The following DIAPH3 variants were observed in gnomAD, a reference collection of about 807,000 sequenced individuals.
The protein encoded by DIAPH3 is diaphanous related formin 3.
A neutral mutation model predicts 144.3 loss-of-function variants in DIAPH3; 117 were observed. The ratio of observed to expected loss-of-function variants is 0.81; its 90% CI spans 0.70 to 0.95. The LOEUF is 0.95. Among genes scored for constraint, DIAPH3 ranks in the 40% least tolerant of loss-of-function variants. The pLI is 0.00. For missense variants in DIAPH3, 1,421 were observed against 1,412.7 expected (o/e 1.01, Z -0.09); for synonymous variants, 519 against 488.9 (o/e 1.06, Z -0.81).
At chr13:60,035,712 GAAGA>G (rs2055165335) in intron 5 of DIAPH3, among the ~76,000 whole-genome samples, 1 of 152,112 alleles carries the variant, frequency 6.6e-6, no homozygotes, top group African/African-American at 2.4e-5. Context: ...AGGCATATTT[GAAGA>G]TAGATGGCAG....
At chr13:59,667,848 C>T (rs1203224686) in intron 27 of DIAPH3, among the ~76,000 whole-genome samples, 1 of 152,154 alleles carries the variant, frequency 6.6e-6, no homozygotes, top group Non-Finnish European at 1.5e-5. Context: ...ATAGTAATGA[C>T]TTTGGAGCAC....
At chr13:59,840,817 GT>G (rs35513878) in intron 22 of DIAPH3, among the ~76,000 whole-genome samples, 4 of 149,048 alleles carry the variant, frequency 2.7e-5, no homozygotes, top group South Asian at 2.1e-4. Flanking sequence ...TTCTCAGTAG[GT>G]TTTTTTTTTC....
chr13:59,982,095 C>G lies in DIAPH3; in HGVS notation c.1481-1236G>C, dbSNP rs186858902. 5.5e-4 allele frequency among the ~76,000 whole-genome samples: 83 copies of G among 151,522 alleles called. 1 individual carries two copies. The East Asian group carries it at 0.016, about 29-fold the overall frequency. On this transcript the variant is annotated intron_variant, in intron 13 of 27. Transcript: ENST00000400324. ...CCTATTGCCCACCTTTGGTTCTTCTCTCACCTATTCATAGAAATACAATGA... is the reference window on the plus strand; with the variant it reads ...CCTATTGCCCACCTTTGGTTCTTCTGTCACCTATTCATAGAAATACAATGA...
At chr13:59,721,500 T>C (rs754096923) in intron 27 of DIAPH3, among the ~76,000 whole-genome samples, 8 of 152,200 alleles carry the variant, frequency 5.3e-5, no homozygotes, top group Non-Finnish European at 1.2e-4. Context: ...TTTAAAGTTA[T>C]TTGTCAATGT....
chr13:59,781,156 A>G (rs1433533633), intron 25 of DIAPH3, among the ~76,000 whole-genome samples: 1 of 152,248 alleles, frequency 6.6e-6, no homozygotes, highest in Non-Finnish European at 1.5e-5. Context: ...AGGTTCTAGA[A>G]TGCTGCAAGC....
At chr13:60,042,138 C>A (rs1012624478) in intron 5 of DIAPH3, among the ~76,000 whole-genome samples, 2 of 152,018 alleles carry the variant, frequency 1.3e-5, no homozygotes, top group African/African-American at 4.8e-5. Context: ...CTTATGGAAA[C>A]ACCTATGGTA....
intron 20 of DIAPH3, among the ~76,000 whole-genome samples, chr13:59,898,134 C>CAAAAAAAAAAAAAAAAAAAAAA (rs34238599): frequency 9.8e-4 from 71 of 72,160 alleles, no homozygotes; most frequent in Non-Finnish European, 1.1e-3. Context: ...GACTCTGCCT[C>CAAAAAAAAAAAAAAAAAAAAAA]AAAAAAAAAA....
chr13:60,105,105 A>AAAAAAAAC (rs2058380619), intron 3 of DIAPH3, among the ~76,000 whole-genome samples: 1 of 77,168 alleles, frequency 1.3e-5, no homozygotes, highest in Non-Finnish European at 3.0e-5. Context: ...ATCTCAAAAA[A>AAAAAAAAC]AAAAAAAAAA....
intron 18 of DIAPH3, among the ~76,000 whole-genome samples, chr13:59,919,700 A>G (rs2047416431): frequency 6.6e-6 from 1 of 152,124 alleles, no homozygotes; most frequent in Admixed American, 6.5e-5. Flanking sequence ...AATGAGAAAC[A>G]TAAAAATATC....
chr13:60,056,347 T>C (rs1350275604), intron 4 of DIAPH3, among the ~76,000 whole-genome samples: 2 of 151,486 alleles, frequency 1.3e-5, no homozygotes, highest in Non-Finnish European at 3.0e-5. Context: ...TAGACATAGA[T>C]AGATGAAAAG....
intron 25 of DIAPH3, among the ~76,000 whole-genome samples, chr13:59,779,395 T>C (rs911005341): frequency 1.3e-5 from 2 of 152,118 alleles, no homozygotes; most frequent in African/African-American, 2.4e-5. Flanking sequence ...TATACAAATA[T>C]AGGGAAAGAA....
At chr13:59,917,406 T>C (rs569386922) in intron 18 of DIAPH3, among the ~76,000 whole-genome samples, 10 of 152,216 alleles carry the variant, frequency 6.6e-5, no homozygotes, top group Non-Finnish European at 7.3e-5. Flanking sequence ...ATTGAGGTTG[T>C]ATTCCTGATT....
At chr13:59,921,814 T>C (rs572309633) in intron 18 of DIAPH3, among the ~76,000 whole-genome samples, 4 of 151,978 alleles carry the variant, frequency 2.6e-5, no homozygotes, top group Admixed American at 6.6e-5. Flanking sequence ...GAAGCAAAAA[T>C]TCTCAACAAA....
intron 4 of DIAPH3, among the ~76,000 whole-genome samples, chr13:60,086,537 AT>A: frequency 6.6e-6 from 1 of 152,150 alleles, no homozygotes; most frequent in East Asian, 1.9e-4. Context: ...TCAATCACAA[AT>A]TTTTTACTAA....
intron 17 of DIAPH3, among the ~76,000 whole-genome samples, chr13:59,926,343 C>A (rs890243959): frequency 1.3e-5 from 2 of 152,026 alleles, no homozygotes; most frequent in Admixed American, 1.3e-4. Flanking sequence ...TTTATTATTT[C>A]TTTCCTTCTA....
Position 59,971,105 on chromosome 13 carries a change from C to T in DIAPH3, c.1706G>A (p.Gly569Glu), listed in dbSNP as rs776635573. The T allele has an allele frequency of 4.3e-6, 7 of 1,609,666 alleles. No individual in the cohort carries two copies. Among genetic ancestry groups the T allele is most frequent in the Non-Finnish European group, 5.9e-6 (7 of 1,177,670 alleles). The change falls in exon 16 of 28, where the codon GGA becomes GAA. Residue 569 changes from glycine (G) to glutamate (E), a missense_variant. Coordinates refer to ENST00000400324, the MANE Select transcript of DIAPH3 (RefSeq NM_001042517.2). ...AGGAGGAAGTGCTGAGTGGCCAGTTCCACCTTCTTTAGAGGGAGGCAAAGG... is the reference window on the plus strand; with the variant it reads ...AGGAGGAAGTGCTGAGTGGCCAGTTTCACCTTCTTTAGAGGGAGGCAAAGG... ...NIPLPPSKEG[G>E]TGHSALPPPP...
intron 27 of DIAPH3, among the ~76,000 whole-genome samples, chr13:59,722,246 G>A (rs2035382505): frequency 6.6e-6 from 1 of 152,190 alleles, no homozygotes; most frequent in Non-Finnish European, 1.5e-5. Context: ...AAGAGTCTGA[G>A]AGCCTTATGA....
chr13:59,691,065 G>A (rs765091316), intron 27 of DIAPH3, among the ~76,000 whole-genome samples: 12 of 152,066 alleles, frequency 7.9e-5, no homozygotes, highest in Non-Finnish European at 1.6e-4. Flanking sequence ...AGGGCATTGC[G>A]GGTAGAAAAA....
chr13:59,968,497 CA>C (rs1481287721), intron 17 of DIAPH3, among the ~76,000 whole-genome samples: 2 of 152,090 alleles, frequency 1.3e-5, no homozygotes, highest in African/African-American at 4.8e-5. Context: ...CCTCCATAAT[CA>C]AAAGGTAAAA....
Sources: allele counts gnomAD v4.1 joint callset (sites outside exome capture counted in the v4.1 genomes callset), GRCh38; gene constraint gnomAD v4.1.1; transcripts MANE v1.5; gene names NCBI Gene and HGNC (gene_info 2026-07-23, HGNC 2026-07-21).